Variants in MAGI1 observed in about 807,000 individuals in gnomAD.
The protein encoded by MAGI1 is membrane-associated guanylate kinase, WW and PDZ domain-containing protein 1.
MAGI1 carries 58 observed loss-of-function variants against 139.9 expected under a neutral mutation model. That is an observed-to-expected ratio of 0.41 (90% CI 0.34 to 0.52). The LOEUF is 0.52. Ranked by LOEUF, MAGI1 falls within the 20% of genes least tolerant of loss-of-function variation. The pLI is 0.12. For missense variants in MAGI1, 1,874 were observed against 1,901.6 expected (o/e 0.99, Z 0.27); for synonymous variants, 812 against 737.9 (o/e 1.10, Z -1.63).
chr3:65,778,638 G>A (rs1254716833), intron 1 of MAGI1, among the ~76,000 whole-genome samples: 1 of 152,006 alleles, frequency 6.6e-6, no homozygotes, highest in African/African-American at 2.4e-5. Context: ...AACTTGCCAG[G>A]ACCACTCAGG....
At chr3:65,927,716 T>C (rs559717540) in intron 1 of MAGI1, among the ~76,000 whole-genome samples, 1 of 152,254 alleles carries the variant, frequency 6.6e-6, no homozygotes, top group East Asian at 1.9e-4. Flanking sequence ...GGAAAGGGAC[T>C]GTGGTTTGGG....
intron 1 of MAGI1, among the ~76,000 whole-genome samples, chr3:65,812,399 G>GA (rs1228415771): frequency 2.0e-5 from 3 of 151,320 alleles, no homozygotes; most frequent in Non-Finnish European, 2.9e-5. Context: ...CATTACGGTT[G>GA]AAAAAATTAC....
intron 1 of MAGI1, among the ~76,000 whole-genome samples, chr3:65,982,016 T>C (rs990241824): frequency 2.6e-5 from 4 of 152,214 alleles, no homozygotes; most frequent in South Asian, 4.1e-4. Context: ...GAGGCATCTG[T>C]CTGCCTCCAG....
Position 65,704,450 on chromosome 3 carries a change from G to C in MAGI1, c.314-82362C>G, listed in dbSNP as rs150305998. 5.3e-5 allele frequency among the ~76,000 whole-genome samples: 8 copies of C among 152,244 alleles called. No individual in the cohort carries two copies. In the East Asian group the frequency reaches 1.4e-3, roughly 26 times the overall value. On this transcript the variant is annotated intron_variant, in intron 1 of 22. Coordinates refer to ENST00000402939, the MANE Select transcript of MAGI1 (RefSeq NM_001033057.2). The stretch of plus-strand genomic sequence containing the variant: ...GTCCTAGATTGCCTCCTTTCCCCAG[G>C]CTTCCTACGGGGTTTCTAGACATTA...
chr3:65,962,354 C>A (rs2064480835), intron 1 of MAGI1, among the ~76,000 whole-genome samples: 1 of 151,210 alleles, frequency 6.6e-6, no homozygotes, highest in Non-Finnish European at 1.5e-5. Flanking sequence ...ATCTCCTGAT[C>A]TCGTGATCCA....
At chr3:65,488,755 C>T (rs534601456) in intron 3 of MAGI1, among the ~76,000 whole-genome samples, 5 of 151,944 alleles carry the variant, frequency 3.3e-5, no homozygotes, top group African/African-American at 1.2e-4. Context: ...ACTGCAGCCT[C>T]GAACTTCCCA....
chr3:65,884,149 T>C (rs1472413905), intron 1 of MAGI1, among the ~76,000 whole-genome samples: 2 of 152,196 alleles, frequency 1.3e-5, no homozygotes, highest in Non-Finnish European at 2.9e-5. Context: ...TTCAAGGTGA[T>C]GGTCAACTAA....
At chr3:65,443,073 TAAA>T (rs1471668671) in intron 7 of MAGI1, among the ~76,000 whole-genome samples, 2 of 151,932 alleles carry the variant, frequency 1.3e-5, no homozygotes, top group Admixed American at 1.3e-4. Flanking sequence ...TGCAAGAAAA[TAAA>T]ACTTAACAAA....
At chr3:65,954,388 C>T (rs1185218815) in intron 1 of MAGI1, 11 of 152,446 alleles carry the variant, frequency 7.2e-5, no homozygotes, top group Admixed American at 5.9e-4. Flanking sequence ...AAGCCAGCCC[C>T]GGCAAGCAGG....
At chr3:65,949,836 C>A (rs373444102) in intron 1 of MAGI1, among the ~76,000 whole-genome samples, 45 of 152,146 alleles carry the variant, frequency 3.0e-4, no homozygotes, top group East Asian at 2.1e-3. Flanking sequence ...GTAATCCCAG[C>A]TCAAGAGTTT....
At chr3:65,635,749 C>T (rs1017594574) in intron 1 of MAGI1, among the ~76,000 whole-genome samples, 2 of 152,246 alleles carry the variant, frequency 1.3e-5, no homozygotes, top group African/African-American at 4.8e-5. Flanking sequence ...TTCTCCTACC[C>T]TCCCAGCCTC....
intron 1 of MAGI1, among the ~76,000 whole-genome samples, chr3:65,744,292 A>C (rs1286847389): frequency 6.6e-6 from 1 of 152,228 alleles, no homozygotes; most frequent in South Asian, 2.1e-4. Context: ...TGTCTCTCAA[A>C]ATATATCACA....
chr3:65,984,731 G>C (rs1355480116), intron 1 of MAGI1, among the ~76,000 whole-genome samples: 1 of 127,616 alleles, frequency 7.8e-6, no homozygotes, highest in Non-Finnish European at 1.6e-5. Context: ...TTTTTTTTTA[G>C]AGATAGGAGT....
At chr3:65,715,321 T>C (rs1342129391) in intron 1 of MAGI1, among the ~76,000 whole-genome samples, 1 of 152,232 alleles carries the variant, frequency 6.6e-6, no homozygotes, top group Admixed American at 6.5e-5. Context: ...GGTCCCCTTA[T>C]AGCATTTTCA....
intron 22 of MAGI1, chr3:65,359,272 T>C: frequency 1.3e-6 from 2 of 1,520,612 alleles, no homozygotes; most frequent in South Asian, 2.5e-5. Context: ...TCTACATTTG[T>C]TAACATAGGG....
chr3:65,401,382 A>G, intron 13 of MAGI1, 57 bp downstream of exon 13: 204 of 403,884 alleles, frequency 5.1e-4, no homozygotes, highest in Non-Finnish European at 7.9e-4. Context: ...TCCCACCTCC[A>G]GCCCCCCACC....
intron 1 of MAGI1, among the ~76,000 whole-genome samples, chr3:65,915,048 A>G (rs576801044): frequency 6.6e-6 from 1 of 152,354 alleles, no homozygotes; most frequent in Non-Finnish European, 1.5e-5. Context: ...ATGCACATTT[A>G]GAACAACTCA....
At chr3:65,536,133 T>C (rs2078949042) in intron 2 of MAGI1, among the ~76,000 whole-genome samples, 2 of 152,248 alleles carry the variant, frequency 1.3e-5, no homozygotes, top group Non-Finnish European at 2.9e-5. Context: ...TTTAAGTTAG[T>C]ACACACTGTT....
chr3:65,572,064 A>G lies in MAGI1; in HGVS notation c.430+49908T>C, dbSNP rs1022521452. Reference sequence around the variant, plus strand: ...GAAAAAGATTATCCTTTAACAGGACAATAATGTGAAAAACGAGGAAGGTAA... The same window carrying G: ...GAAAAAGATTATCCTTTAACAGGACGATAATGTGAAAAACGAGGAAGGTAA... On this transcript the variant is annotated intron_variant, in intron 2 of 22. Transcript: ENST00000402939. Among the ~76,000 whole-genome samples, 4 of 152,252 alleles carry G rather than the reference A, an allele frequency of 2.6e-5. 1 individual carries two copies. In the South Asian group the frequency reaches 8.3e-4, roughly 32 times the overall value.
Sources: allele counts gnomAD v4.1 joint callset (sites outside exome capture counted in the v4.1 genomes callset), GRCh38; gene constraint gnomAD v4.1.1; transcripts MANE v1.5; gene names NCBI Gene and HGNC (gene_info 2026-07-23, HGNC 2026-07-21).